The following GALNT13 variants were observed in gnomAD, a reference collection of about 807,000 sequenced individuals.
GALNT13 encodes UDP-GalNAc:polypeptide N-acetylgalactosaminyltransferase 13.
In GALNT13, 28 loss-of-function variants were observed where a neutral mutation model predicts 64.2. The ratio of observed to expected loss-of-function variants is 0.44; its 90% confidence interval spans 0.32 to 0.60. GALNT13 has a LOEUF of 0.60. Among genes scored for constraint, GALNT13 ranks in the 20% least tolerant of loss-of-function variants. GALNT13 has a pLI of 0.05. For missense variants in GALNT13, 577 were observed against 669.8 expected (o/e 0.86, Z 1.53); for synonymous variants, 214 against 224.6 (o/e 0.95, Z 0.42).
chr2:153,504,495 A>T, the GALNT13 span, among the ~76,000 whole-genome samples: 1 of 152,152 alleles, frequency 6.6e-6, no homozygotes, highest in South Asian at 2.1e-4. Context: ...ACTTTTCCCC[A>T]TTCAGTATAA....
chr2:154,306,609 A>T (rs1322745319), intron 9 of GALNT13, among the ~76,000 whole-genome samples: 1 of 43,336 alleles, frequency 2.3e-5, no homozygotes, highest in Non-Finnish European at 6.8e-5. Context: ...GTTTTTAAGG[A>T]TAATTTGGTG....
intron 9 of GALNT13, among the ~76,000 whole-genome samples, chr2:154,391,044 A>G (rs537543579): frequency 1.3e-5 from 2 of 152,270 alleles, no homozygotes; most frequent in Admixed American, 6.5e-5. Flanking sequence ...TCTGCTGTCT[A>G]TCTTTAGATA....
chr2:153,127,454 T>C, the GALNT13 span, among the ~76,000 whole-genome samples: 1 of 152,172 alleles, frequency 6.6e-6, no homozygotes, highest in South Asian at 2.1e-4. Flanking sequence ...ATTCATTTCA[T>C]CAACATTCTT....
the GALNT13 span, among the ~76,000 whole-genome samples, chr2:153,654,116 G>A: frequency 9.9e-5 from 15 of 152,180 alleles, no homozygotes; most frequent in East Asian, 3.9e-4. Flanking sequence ...TGATCTAACC[G>A]TGAGTATGAA....
chr2:153,999,082 G>T (rs751456227), intron 3 of GALNT13, among the ~76,000 whole-genome samples: 2 of 152,060 alleles, frequency 1.3e-5, no homozygotes, highest in East Asian at 3.9e-4. Flanking sequence ...AAAAGAGCCC[G>T]CATAGCCAAG....
At chr2:153,099,238 C>A in the GALNT13 span, among the ~76,000 whole-genome samples, 1 of 152,196 alleles carries the variant, frequency 6.6e-6, no homozygotes, top group African/African-American at 2.4e-5. Flanking sequence ...CTTGAAATTC[C>A]ATTGTGACAA....
the GALNT13 span, among the ~76,000 whole-genome samples, chr2:153,087,597 G>C: frequency 6.6e-6 from 1 of 152,112 alleles, no homozygotes; most frequent in African/African-American, 2.4e-5. Context: ...AGCTGTGAAT[G>C]CATCTGGTCC....
At chr2:153,958,572 G>C (rs1243814743) in intron 3 of GALNT13, among the ~76,000 whole-genome samples, 2 of 152,176 alleles carry the variant, frequency 1.3e-5, no homozygotes, top group African/African-American at 4.8e-5. Context: ...ACATACCCCA[G>C]TGGTGGGTCC....
the GALNT13 span, among the ~76,000 whole-genome samples, chr2:153,338,875 C>T: frequency 5.3e-5 from 8 of 152,226 alleles, no homozygotes; most frequent in South Asian, 2.1e-4. Context: ...TAAAATGATG[C>T]GATATCTGTC....
chr2:153,640,450 G>A, the GALNT13 span, among the ~76,000 whole-genome samples: 1 of 152,074 alleles, frequency 6.6e-6, no homozygotes, highest in African/African-American at 2.4e-5. Flanking sequence ...AATTCAATGA[G>A]GAGACTAGCG....
At chr2:154,331,370 A>G (rs1220998936) in intron 9 of GALNT13, among the ~76,000 whole-genome samples, 1 of 152,018 alleles carries the variant, frequency 6.6e-6, no homozygotes, top group Non-Finnish European at 1.5e-5. Flanking sequence ...TGGTAGAATT[A>G]TAGCTCACTG....
intron 4 of GALNT13, among the ~76,000 whole-genome samples, chr2:154,212,744 A>T (rs776493083): frequency 2.0e-5 from 3 of 151,614 alleles, no homozygotes; most frequent in Non-Finnish European, 4.4e-5. Flanking sequence ...AAGGCAATGG[A>T]TACTAAAGCA....
the GALNT13 span, among the ~76,000 whole-genome samples, chr2:153,828,020 T>A: frequency 4.6e-5 from 7 of 152,322 alleles, no homozygotes; most frequent in African/African-American, 7.2e-5. Flanking sequence ...CTCCTTTGAC[T>A]CCAAGTCTCA....
chr2:154,139,748 C>T (rs1236912463), intron 3 of GALNT13, among the ~76,000 whole-genome samples: 1 of 151,822 alleles, frequency 6.6e-6, no homozygotes, highest in East Asian at 1.9e-4. Context: ...TCAAATCCTG[C>T]GTTCTCTTCA....
chr2:153,103,032 C>T, the GALNT13 span, among the ~76,000 whole-genome samples: 1 of 152,076 alleles, frequency 6.6e-6, no homozygotes, highest in African/African-American at 2.4e-5. Context: ...ACTAGTCCCC[C>T]TGCCTTTAAA....
the GALNT13 span, among the ~76,000 whole-genome samples, chr2:153,690,311 G>A: frequency 7.2e-5 from 11 of 151,982 alleles, no homozygotes; most frequent in Admixed American, 2.6e-4. Flanking sequence ...TGAAAAATTC[G>A]TAGAGGATTT....
chr2:154,367,501 C>T (rs1280693613), intron 9 of GALNT13, among the ~76,000 whole-genome samples: 1 of 152,068 alleles, frequency 6.6e-6, no homozygotes, highest in Non-Finnish European at 1.5e-5. Flanking sequence ...TGAGAGAACA[C>T]AGTTTACATT....
chr2:153,210,159 A>G, the GALNT13 span, among the ~76,000 whole-genome samples: 7 of 152,054 alleles, frequency 4.6e-5, no homozygotes, highest in Non-Finnish European at 8.8e-5. Flanking sequence ...TTAAGTCTGT[A>G]TGCCTTTTAT....
At chr2:153,248,694 T>C in the GALNT13 span, among the ~76,000 whole-genome samples, 3 of 151,504 alleles carry the variant, frequency 2.0e-5, no homozygotes, top group Admixed American at 6.6e-5. Context: ...TGGGTGCCTG[T>C]AGTCCCAGCT....
Sources: gnomAD v4.1 joint callset for allele counts (sites outside exome capture counted in the v4.1 genomes callset) on GRCh38, gnomAD v4.1.1 for gene constraint, MANE v1.5 for transcripts, NCBI Gene and HGNC (gene_info 2026-07-23, HGNC 2026-07-21) for gene names.